The following HS6ST3 variants were observed in gnomAD, a reference collection of about 807,000 sequenced individuals.
The protein encoded by HS6ST3 is heparan-sulfate 6-O-sulfotransferase 3.
In HS6ST3, 12 loss-of-function variants were observed where a neutral mutation model predicts 36.7. That is an observed-to-expected ratio of 0.33 (90% confidence interval 0.21 to 0.53). The LOEUF is 0.53. Among genes scored for constraint, HS6ST3 ranks in the 20% least tolerant of loss-of-function variants. HS6ST3 has a pLI of 0.95. For missense variants in HS6ST3, 584 were observed against 640.9 expected (o/e 0.91, Z 0.96); for synonymous variants, 240 against 257.5 (o/e 0.93, Z 0.65).
intron 1 of HS6ST3, among the ~76,000 whole-genome samples, chr13:96,422,940 T>G (rs1306615701): frequency 1.3e-5 from 2 of 152,212 alleles, no homozygotes; most frequent in Non-Finnish European, 2.9e-5. Context: ...AGTAATATAC[T>G]TTTAAATATG....
chr13:96,350,826 T>A (rs976661356), intron 1 of HS6ST3, among the ~76,000 whole-genome samples: 8 of 152,160 alleles, frequency 5.3e-5, no homozygotes, highest in Admixed American at 3.3e-4. Context: ...AAAAATCAAT[T>A]TATCAGTTAC....
At chr13:96,509,759 A>T (rs1352258417) in intron 1 of HS6ST3, among the ~76,000 whole-genome samples, 3 of 152,154 alleles carry the variant, frequency 2.0e-5, no homozygotes, top group African/African-American at 7.2e-5. Flanking sequence ...ATGTAGTATA[A>T]TTTGAAGTCT....
intron 1 of HS6ST3, among the ~76,000 whole-genome samples, chr13:96,730,359 T>G (rs1876118304): frequency 6.6e-6 from 1 of 152,122 alleles, no homozygotes; most frequent in Non-Finnish European, 1.5e-5. Context: ...TTTAAATAAA[T>G]TTTGTGATTG....
intron 1 of HS6ST3, among the ~76,000 whole-genome samples, chr13:96,501,932 T>A (rs758826272): frequency 9.2e-5 from 14 of 152,146 alleles, no homozygotes; most frequent in Non-Finnish European, 1.9e-4. Context: ...AAACAATGAG[T>A]CTTAATTCAT....
intron 1 of HS6ST3, among the ~76,000 whole-genome samples, chr13:96,329,775 A>G (rs1321612925): frequency 8.4e-6 from 1 of 118,940 alleles, no homozygotes; most frequent in Non-Finnish European, 1.7e-5. Context: ...TAATGTTGAC[A>G]GTGGGGTGTT....
At chr13:96,125,058 C>T (rs2053944007) in intron 1 of HS6ST3, among the ~76,000 whole-genome samples, 1 of 152,110 alleles carries the variant, frequency 6.6e-6, no homozygotes, top group Non-Finnish European at 1.5e-5. Context: ...TAAAGTAAAG[C>T]ACTGGCTATT....
At chr13:96,725,983 G>A (rs1035935029) in intron 1 of HS6ST3, among the ~76,000 whole-genome samples, 1 of 152,040 alleles carries the variant, frequency 6.6e-6, no homozygotes, top group Non-Finnish European at 1.5e-5. Context: ...GATTACAGGC[G>A]CCCGCCACCG....
intron 1 of HS6ST3, among the ~76,000 whole-genome samples, chr13:96,822,757 A>G (rs928057888): frequency 1.3e-5 from 2 of 152,212 alleles, no homozygotes; most frequent in African/African-American, 4.8e-5. Flanking sequence ...ACACCCAGCC[A>G]TTGCATACAA....
chr13:96,189,291 G>A (rs952308870), intron 1 of HS6ST3, among the ~76,000 whole-genome samples: 1 of 151,944 alleles, frequency 6.6e-6, no homozygotes, highest in Non-Finnish European at 1.5e-5. Context: ...TACAGGATGG[G>A]GAAATAAGTC....
intron 1 of HS6ST3, among the ~76,000 whole-genome samples, chr13:96,149,290 T>G (rs1477394468): frequency 6.6e-6 from 1 of 152,226 alleles, no homozygotes; most frequent in Admixed American, 6.5e-5. Flanking sequence ...GCCTGCTTCG[T>G]TATGCTGTGT....
At chr13:96,540,205 T>C (rs1392105874) in intron 1 of HS6ST3, among the ~76,000 whole-genome samples, 1 of 152,242 alleles carries the variant, frequency 6.6e-6, no homozygotes, top group Non-Finnish European at 1.5e-5. Context: ...CCCACCTAAC[T>C]CTTTGGCAAG....
At chr13:96,732,314 A>G (rs1876176270) in intron 1 of HS6ST3, among the ~76,000 whole-genome samples, 1 of 152,188 alleles carries the variant, frequency 6.6e-6, no homozygotes, top group African/African-American at 2.4e-5. Context: ...CAAGTCTGAC[A>G]TTTAAGTCTT....
At chr13:96,699,266 A>G (rs1444833622) in intron 1 of HS6ST3, among the ~76,000 whole-genome samples, 2 of 152,198 alleles carry the variant, frequency 1.3e-5, no homozygotes, top group Admixed American at 6.5e-5. Flanking sequence ...TAACTAAACT[A>G]AAGAGCTTCT....
At chr13:96,216,130 T>C (rs925088421) in intron 1 of HS6ST3, among the ~76,000 whole-genome samples, 4 of 152,248 alleles carry the variant, frequency 2.6e-5, no homozygotes, top group Admixed American at 6.5e-5. Context: ...CTGAGAATTA[T>C]ACATGTTTAT....
At chr13:96,691,964 A>G (rs1210509375) in intron 1 of HS6ST3, among the ~76,000 whole-genome samples, 1 of 152,136 alleles carries the variant, frequency 6.6e-6, no homozygotes, top group Non-Finnish European at 1.5e-5. Flanking sequence ...CAGCATTCAA[A>G]TTTGAGCCTA....
intron 1 of HS6ST3, among the ~76,000 whole-genome samples, chr13:96,243,731 A>G (rs903565481): frequency 7.2e-5 from 11 of 152,148 alleles, no homozygotes; most frequent in Non-Finnish European, 1.3e-4. Flanking sequence ...AAGGCATTAG[A>G]TGCTCTTTAA....
chr13:96,823,555 A>ATCAAATATATATATATTTAAC (rs1359053465), intron 1 of HS6ST3, among the ~76,000 whole-genome samples: 2 of 152,140 alleles, frequency 1.3e-5, no homozygotes, highest in African/African-American at 4.8e-5. Flanking sequence ...TTAAATAATA[A>ATCAAATATATATATATTTAAC]TCAAATATAT....
intron 1 of HS6ST3, among the ~76,000 whole-genome samples, chr13:96,288,098 G>A (rs2054812369): frequency 6.6e-6 from 1 of 152,138 alleles, no homozygotes; most frequent in African/African-American, 2.4e-5. Flanking sequence ...TACTGATTCA[G>A]AAACTTAGAA....
intron 1 of HS6ST3, among the ~76,000 whole-genome samples, chr13:96,218,297 C>A (rs192000071): frequency 6.6e-6 from 1 of 152,124 alleles, no homozygotes; most frequent in Admixed American, 6.5e-5. Flanking sequence ...ACTCTCCTCT[C>A]TCCCTCTAGT....
Sources: allele counts gnomAD v4.1 joint callset (sites outside exome capture counted in the v4.1 genomes callset), GRCh38; gene constraint gnomAD v4.1.1; transcripts MANE v1.5; gene names NCBI Gene and HGNC (gene_info 2026-07-23, HGNC 2026-07-21).